Variants in MCM6 observed in about 807,000 individuals in gnomAD.
MCM6 encodes minichromosome maintenance complex component 6.
In MCM6, 46 loss-of-function variants were observed where a neutral mutation model predicts 94.3. That is an observed-to-expected ratio of 0.49 (90% CI 0.39 to 0.62). MCM6 has a LOEUF of 0.62. Among genes scored for constraint, MCM6 ranks in the 20% least tolerant of loss-of-function variants. MCM6 has a pLI of 0.00. For synonymous variants in MCM6, 335 were observed against 351.9 expected (o/e 0.95, Z 0.54); for missense variants, 865 against 1,017.9 (o/e 0.85, Z 2.04).
intron 15 of MCM6, 108 bp downstream of exon 15, chr2:135,846,129 A>G: frequency 9.1e-7 from 1 of 1,100,690 alleles, no homozygotes; most frequent in Non-Finnish European, 1.3e-6. Context: ...CTAACAACTT[A>G]TCCTCTCTTC....
intron 4 of MCM6, among the ~76,000 whole-genome samples, chr2:135,867,765 C>T (rs780522729): frequency 1.7e-4 from 26 of 152,116 alleles, no homozygotes; most frequent in African/African-American, 6.0e-4. Context: ...CAGTGGCTCA[C>T]GCCTGTATCC....
At chr2:135,871,134 C>A (rs1241275044) in intron 2 of MCM6, among the ~76,000 whole-genome samples, 4 of 152,150 alleles carry the variant, frequency 2.6e-5, no homozygotes, top group African/African-American at 7.2e-5. Context: ...CTCCATTTGA[C>A]TGGTGAGAGT....
intron 16 of MCM6, 46 bp from the exon 17 acceptor site, chr2:135,840,997 C>T (rs763155634): frequency 2.9e-6 from 4 of 1,364,104 alleles, no homozygotes; most frequent in African/African-American, 1.4e-5. Context: ...CAGTATTATA[C>T]CAATGTCCAG....
intron 8 of MCM6, among the ~76,000 whole-genome samples, chr2:135,860,816 G>T (rs1196449369): frequency 6.6e-6 from 1 of 152,114 alleles, no homozygotes; most frequent in Non-Finnish European, 1.5e-5. Context: ...CTAAGATCAG[G>T]AATAAGACAT....
rs4988220 is a variant in MCM6, at chr2:135,855,577, G to C, written c.1626+1151C>G. On this transcript the variant is annotated intron_variant, in intron 11 of 16. Transcript: ENST00000264156. Reference sequence around the variant, plus strand: ...GCTACTTGGGAGGCTGAGGCAGGAGGATCACTGGAACCCAGGAGATTGAGG... The same window carrying C: ...GCTACTTGGGAGGCTGAGGCAGGAGCATCACTGGAACCCAGGAGATTGAGG... Among the ~76,000 whole-genome samples, 1,299 of 152,136 alleles carry C rather than the reference G, an allele frequency of 8.5e-3. 93 individuals are homozygous for C. The East Asian group carries it at 0.18, about 21-fold the overall frequency.
chr2:135,857,595 T>C (rs1679916978), intron 10 of MCM6, among the ~76,000 whole-genome samples: 1 of 152,188 alleles, frequency 6.6e-6, no homozygotes, highest in Non-Finnish European at 1.5e-5. Context: ...TAAATAAATA[T>C]ATACATATAT....
At chr2:135,868,577 T>C in intron 4 of MCM6, 34 bp downstream of exon 4, 1 of 1,599,114 alleles carries the variant, frequency 6.3e-7, no homozygotes, top group Non-Finnish European at 8.6e-7. Context: ...TTATCATAGA[T>C]GGACTCTGAT....
At chr2:135,872,167 C>T (rs1363269497) in intron 2 of MCM6, among the ~76,000 whole-genome samples, 1 of 152,124 alleles carries the variant, frequency 6.6e-6, no homozygotes, top group Non-Finnish European at 1.5e-5. Flanking sequence ...CAGCTCTGGC[C>T]GGGCACGGTG....
intron 4 of MCM6, among the ~76,000 whole-genome samples, chr2:135,867,790 G>A (rs745352147): frequency 6.6e-6 from 1 of 152,106 alleles, no homozygotes; most frequent in African/African-American, 2.4e-5. Context: ...ACTTTGGGAG[G>A]CAGAGGCAGG....
Position 135,848,148 on chromosome 2 carries a change from T to A in MCM6, c.1958A>T (p.Asn653Ile). The A allele has an allele frequency of 6.2e-7, 1 of 1,612,152 alleles. No homozygotes were observed. The highest frequency in any genetic ancestry group is 8.5e-7 in the Non-Finnish European group (1 of 1,178,248). ...TGTTTCCACACGGATGATTGATTTA[T>A]TCAGTAACCGGAAAGCTTCCTTCAC... is the stretch of plus-strand genomic sequence containing the variant. Reference protein sequence around the residue: ...KHVKEAFRLLNKSIIRVETPD... With the variant: ...KHVKEAFRLLIKSIIRVETPD... Residue 653 changes from asparagine (N) to isoleucine (I), a missense_variant, in exon 14 of 17, where the codon AAT becomes ATT. Asn to Ile is a moderately radical substitution (Grantham distance 149). Coordinates refer to ENST00000264156, the MANE Select transcript of MCM6 (RefSeq NM_005915.6).
chr2:135,855,350 A>C (rs1256302996), intron 11 of MCM6, among the ~76,000 whole-genome samples: 1 of 152,144 alleles, frequency 6.6e-6, no homozygotes, highest in Admixed American at 6.6e-5. Context: ...TGTGAAGGGA[A>C]AAAAAGTGAA....
intron 1 of MCM6, among the ~76,000 whole-genome samples, chr2:135,875,377 G>C (rs1376902218): frequency 3.3e-5 from 5 of 151,780 alleles, no homozygotes; most frequent in African/African-American, 1.2e-4. Context: ...AAAAAAAAAA[G>C]TTTGGAGATG....
At chr2:135,845,149 G>A (rs1290138046) in intron 15 of MCM6, among the ~76,000 whole-genome samples, 1 of 152,178 alleles carries the variant, frequency 6.6e-6, no homozygotes, top group Non-Finnish European at 1.5e-5. Context: ...TAAAATTCAT[G>A]AGTATTCACT....
At chr2:135,864,242 AAC>A (rs1411593054) in intron 7 of MCM6, among the ~76,000 whole-genome samples, 1 of 152,246 alleles carries the variant, frequency 6.6e-6, no homozygotes, top group African/African-American at 2.4e-5. Context: ...TAGCCTTCAA[AAC>A]ACAGCTTGCA....
chr2:135,845,314 A>G (rs1465768369), intron 15 of MCM6, among the ~76,000 whole-genome samples: 1 of 152,236 alleles, frequency 6.6e-6, no homozygotes, highest in African/African-American at 2.4e-5. Flanking sequence ...TAACATAACT[A>G]TCATAAAACT....
chr2:135,874,956 G>T (rs1422225090), intron 1 of MCM6, among the ~76,000 whole-genome samples: 1 of 152,202 alleles, frequency 6.6e-6, no homozygotes, highest in Non-Finnish European at 1.5e-5. Flanking sequence ...CTTATATGAG[G>T]TACCTAGAGT....
At position 135,868,840 on chromosome 2, in the gene MCM6, G is replaced by T. The variant is rs1680147792; in HGVS notation, c.386C>A (p.Ser129Tyr). The T allele has an allele frequency of 6.2e-7, 1 of 1,613,980 alleles. No individual in the cohort carries two copies. The highest frequency in any genetic ancestry group is 8.5e-7 in the Non-Finnish European group (1 of 1,180,002). Residue 129 changes from serine to tyrosine, a missense_variant, in exon 4 of 17, where the codon TCC becomes TAC. Transcript: ENST00000264156. ...TRHKIRELTS[S>Y]RIGLLTRISG... ...GATGCGAGTGAGCAAACCAATTCTG[G>T]ATGAGGTGAGCTCTCGAATCCTGTT...
At chr2:135,855,705 T>C (rs2076653245) in intron 11 of MCM6, among the ~76,000 whole-genome samples, 1 of 152,078 alleles carries the variant, frequency 6.6e-6, no homozygotes, top group South Asian at 2.1e-4. Flanking sequence ...ACTCACAAAA[T>C]GGAAGGCTAC....
chr2:135,865,694 G>A (rs1575366285), intron 6 of MCM6, among the ~76,000 whole-genome samples: 1 of 152,116 alleles, frequency 6.6e-6, no homozygotes, highest in Non-Finnish European at 1.5e-5. Flanking sequence ...TAAAAGCATT[G>A]AGCTTTTATG....
Sources: allele counts gnomAD v4.1 joint callset (sites outside exome capture counted in the v4.1 genomes callset), GRCh38; gene constraint gnomAD v4.1.1; transcripts MANE v1.5; gene names NCBI Gene and HGNC (gene_info 2026-07-23, HGNC 2026-07-21).